Variants in STXBP5L observed in about 807,000 individuals in gnomAD.
The protein encoded by STXBP5L is syntaxin binding protein 5L.
A neutral mutation model predicts 144.5 loss-of-function variants in STXBP5L; 65 were observed. The ratio of observed to expected loss-of-function variants is 0.45; its 90% confidence interval spans 0.37 to 0.55. The LOEUF is 0.55. Among genes scored for constraint, STXBP5L ranks in the 20% least tolerant of loss-of-function variants. STXBP5L has a pLI of 0.00. For synonymous variants in STXBP5L, 505 were observed against 469.6 expected (o/e 1.08, Z -0.97); for missense variants, 1,298 against 1,405.5 (o/e 0.92, Z 1.22).
chr3:121,057,499 T>A (rs1437270231), intron 5 of STXBP5L, among the ~76,000 whole-genome samples: 1 of 152,226 alleles, frequency 6.6e-6, no homozygotes, highest in Middle Eastern at 3.4e-3. Context: ...TCCAGTCACT[T>A]ACCCCCAGGT....
chr3:121,332,959 G>T (rs2044373252), intron 20 of STXBP5L, among the ~76,000 whole-genome samples: 1 of 152,032 alleles, frequency 6.6e-6, no homozygotes, highest in Non-Finnish European at 1.5e-5. Context: ...CATCAGCCAA[G>T]AATCTTGTAA....
chr3:121,073,826 T>G (rs1218958059), intron 5 of STXBP5L, among the ~76,000 whole-genome samples: 1 of 152,214 alleles, frequency 6.6e-6, no homozygotes, highest in Non-Finnish European at 1.5e-5. Flanking sequence ...ACTTGTCGCC[T>G]AGTGTCAGGT....
At chr3:120,982,529 C>G (rs1359266539) in intron 3 of STXBP5L, among the ~76,000 whole-genome samples, 2 of 152,186 alleles carry the variant, frequency 1.3e-5, no homozygotes, top group African/African-American at 4.8e-5. Context: ...TCAGTTTAGT[C>G]AGACATGGTT....
intron 20 of STXBP5L, among the ~76,000 whole-genome samples, chr3:121,325,663 T>C (rs1357139981): frequency 6.6e-6 from 1 of 152,148 alleles, no homozygotes; most frequent in Non-Finnish European, 1.5e-5. Flanking sequence ...ATTTTCAAAA[T>C]AATTTTTAGT....
At chr3:120,968,219 T>C (rs1403477699) in intron 3 of STXBP5L, among the ~76,000 whole-genome samples, 1 of 152,178 alleles carries the variant, frequency 6.6e-6, no homozygotes, top group Admixed American at 6.5e-5. Flanking sequence ...TCTACTGTTA[T>C]TGTGTCACAG....
intron 7 of STXBP5L, among the ~76,000 whole-genome samples, chr3:121,149,280 T>C (rs2107973233): frequency 6.6e-6 from 1 of 152,130 alleles, no homozygotes; most frequent in South Asian, 2.1e-4. Context: ...CTATTCCTAA[T>C]AAAAGAAATG....
intron 3 of STXBP5L, among the ~76,000 whole-genome samples, chr3:120,997,001 G>A (rs9850079): frequency 0.099 from 15,103 of 152,076 alleles, 1,183 homozygotes; most frequent in Admixed American, 0.2. Context: ...TTTTATCCAT[G>A]TGTACTCAAT....
chr3:121,056,478 G>A (rs1169923441), intron 5 of STXBP5L, among the ~76,000 whole-genome samples: 1 of 152,096 alleles, frequency 6.6e-6, no homozygotes, highest in Admixed American at 6.6e-5. Context: ...GCAATATTTT[G>A]TTGAAAACTC....
intron 20 of STXBP5L, among the ~76,000 whole-genome samples, chr3:121,326,299 T>C (rs558630514): frequency 1.3e-5 from 2 of 151,992 alleles, no homozygotes; most frequent in Admixed American, 6.6e-5. Flanking sequence ...AAATTAGAGA[T>C]ATGTAGGCTT....
At chr3:121,258,985 A>C in intron 17 of STXBP5L, 58 bp from the exon 18 acceptor site, 1 of 1,460,348 alleles carries the variant, frequency 6.8e-7, no homozygotes, top group South Asian at 1.6e-5. Context: ...AATTCTCAAG[A>C]TAAGTTTGAC....
chr3:121,066,724 C>T (rs57121039), intron 5 of STXBP5L, among the ~76,000 whole-genome samples: 340 of 152,046 alleles, frequency 2.2e-3, no homozygotes, highest in African/African-American at 7.8e-3. Context: ...ATAGTTATGT[C>T]GACTTTATGA....
In STXBP5L at chr3:121,204,579, C is replaced by T. The variant is rs150382202; in HGVS notation, c.878-1344C>T. Among the ~76,000 whole-genome samples, 11 of 148,058 alleles carry T rather than the reference C, an allele frequency of 7.4e-5. No individual in the cohort carries two copies. In the East Asian group the frequency reaches 2.1e-3, roughly 29 times the overall value. On this transcript the variant is annotated intron_variant, in intron 9 of 26. Coordinates refer to ENST00000471454, the MANE Select transcript of STXBP5L (RefSeq NM_001308330.2). The stretch of plus-strand genomic sequence containing the variant: ...CTGAAGCTAATCTGAAAATTTAAAG[C>T]TATATGCATGTAAACTTCTATGTAA...
chr3:121,171,564 TAGAG>T (rs1170110741), intron 9 of STXBP5L, among the ~76,000 whole-genome samples: 4 of 147,572 alleles, frequency 2.7e-5, no homozygotes, highest in Admixed American at 6.7e-5. Context: ...ACACCAATAA[TAGAG>T]AGCCAAGTCA....
chr3:121,403,235 A>G, intron 22 of STXBP5L, among the ~76,000 whole-genome samples: 1 of 152,136 alleles, frequency 6.6e-6, no homozygotes. Context: ...GAATCATTCT[A>G]TCTCCTGGCC....
At chr3:121,141,699 T>C (rs1326600971) in intron 7 of STXBP5L, among the ~76,000 whole-genome samples, 1 of 152,132 alleles carries the variant, frequency 6.6e-6, no homozygotes, top group Non-Finnish European at 1.5e-5. Context: ...TAAGGTGTTA[T>C]TGCTTAAAAT....
At chr3:121,009,332 A>G (rs1944594598) in intron 3 of STXBP5L, among the ~76,000 whole-genome samples, 1 of 151,898 alleles carries the variant, frequency 6.6e-6, no homozygotes, top group Admixed American at 6.6e-5. Flanking sequence ...TAATCTTCCA[A>G]TTTATTTTCT....
chr3:121,074,085 C>A (rs2041920694), intron 5 of STXBP5L, among the ~76,000 whole-genome samples: 1 of 152,130 alleles, frequency 6.6e-6, no homozygotes, highest in African/African-American at 2.4e-5. Flanking sequence ...CTTGGTGGCA[C>A]AAAAGCCTTC....
rs554688662 is a variant in STXBP5L at position 121,392,539 on chromosome 3, C to T, written c.2587+11007C>T. On this transcript the variant is annotated intron_variant, in intron 22 of 26. Coordinates refer to ENST00000471454, the MANE Select transcript of STXBP5L (RefSeq NM_001308330.2). ...GTTCCTATTCGGCCATCTTGGAACA[C>T]GCCCGCAGTCTTTACATTCTTTTAT... Among the ~76,000 whole-genome samples the T allele has an allele frequency of 9.9e-5, 15 of 152,138 alleles. No homozygotes were observed. In the South Asian group the frequency reaches 1.2e-3, roughly 13 times the overall value.
intron 22 of STXBP5L, among the ~76,000 whole-genome samples, chr3:121,381,809 G>A (rs903898305): frequency 2.0e-5 from 3 of 152,012 alleles, no homozygotes; most frequent in Admixed American, 6.6e-5. Flanking sequence ...AAGCACTGAG[G>A]AAAACCTTAA....
Sources: gnomAD v4.1 joint callset for allele counts (sites outside exome capture counted in the v4.1 genomes callset) on GRCh38, gnomAD v4.1.1 for gene constraint, MANE v1.5 for transcripts, NCBI Gene and HGNC (gene_info 2026-07-23, HGNC 2026-07-21) for gene names.